The following CCDC178 variants were observed in gnomAD, a reference collection of about 807,000 sequenced individuals.
CCDC178 encodes the protein coiled-coil domain containing 178.
CCDC178 carries 126 observed loss-of-function variants against 117.4 expected under a neutral mutation model. The ratio of observed to expected loss-of-function variants is 1.07; its 90% CI spans 0.93 to 1.24. The LOEUF (loss-of-function observed/expected upper bound fraction) is 1.24, where lower values mean the gene tolerates loss of function less well. CCDC178 is among the 50% of genes most tolerant of loss of function. CCDC178 has a pLI of 0.00. For synonymous variants in CCDC178, 283 were observed against 313.4 expected (o/e 0.90, Z 1.02); for missense variants, 1,030 against 986.9 (o/e 1.04, Z -0.59).
At chr18:33,004,043 A>T (rs2055699343) in intron 21 of CCDC178, among the ~76,000 whole-genome samples, 1 of 152,148 alleles carries the variant, frequency 6.6e-6, no homozygotes, top group African/African-American at 2.4e-5. Flanking sequence ...AAAAATAGAA[A>T]AATATTTCAT....
chr18:32,958,371 T>A, intron 22 of CCDC178: 1 of 347,578 alleles, frequency 2.9e-6, no homozygotes, highest in East Asian at 4.2e-5. Context: ...GATAATTAAA[T>A]TAAATGTCTA....
At chr18:33,283,431 A>C (rs2060049418) in intron 12 of CCDC178, among the ~76,000 whole-genome samples, 1 of 152,236 alleles carries the variant, frequency 6.6e-6, no homozygotes, top group South Asian at 2.1e-4. Context: ...GAACCTAATT[A>C]AACAGTTTCT....
chr18:33,158,835 G>C (rs2058431095), intron 20 of CCDC178, among the ~76,000 whole-genome samples: 1 of 151,972 alleles, frequency 6.6e-6, no homozygotes, highest in Non-Finnish European at 1.5e-5. Context: ...TAATAAATTG[G>C]AAGAAAAATT....
chr18:32,997,742 G>A (rs1044050946), intron 21 of CCDC178, among the ~76,000 whole-genome samples: 3 of 151,710 alleles, frequency 2.0e-5, no homozygotes, highest in African/African-American at 7.3e-5. Flanking sequence ...ATATATCTAT[G>A]TTTTTTTATT....
At chr18:33,413,281 G>C (rs1396304477) in intron 2 of CCDC178, among the ~76,000 whole-genome samples, 1 of 152,016 alleles carries the variant, frequency 6.6e-6, no homozygotes, top group African/African-American at 2.4e-5. Flanking sequence ...TCCAAGCCTA[G>C]TGCTCTTCCA....
At chr18:33,139,047 G>C (rs1173348662) in intron 20 of CCDC178, among the ~76,000 whole-genome samples, 1 of 152,184 alleles carries the variant, frequency 6.6e-6, no homozygotes, top group Non-Finnish European at 1.5e-5. Context: ...TATGGAGACA[G>C]GTCTTTCCTG....
At chr18:32,959,856 C>T (rs1033280446) in intron 22 of CCDC178, among the ~76,000 whole-genome samples, 3 of 151,706 alleles carry the variant, frequency 2.0e-5, no homozygotes, top group African/African-American at 4.8e-5. Context: ...GTCCTGCTGG[C>T]ATAGAGTGAA....
chr18:32,969,530 T>C (rs751322885), intron 22 of CCDC178, among the ~76,000 whole-genome samples: 14 of 152,064 alleles, frequency 9.2e-5, no homozygotes, highest in Non-Finnish European at 1.9e-4. Flanking sequence ...AAACTATATA[T>C]ACCAACCCTT....
At chr18:33,362,710 C>T (rs1272731660) in intron 6 of CCDC178, among the ~76,000 whole-genome samples, 3 of 151,750 alleles carry the variant, frequency 2.0e-5, no homozygotes, top group African/African-American at 4.8e-5. Context: ...CAAATAAACG[C>T]AATAAAATTT....
intron 2 of CCDC178, among the ~76,000 whole-genome samples, chr18:33,420,290 G>A (rs1158734056): frequency 6.6e-6 from 1 of 152,150 alleles, no homozygotes; most frequent in African/African-American, 2.4e-5. Context: ...TGAGGGTGGG[G>A]TGAGGGAGGA....
chr18:32,981,853 C>A (rs2055160236), intron 21 of CCDC178, among the ~76,000 whole-genome samples: 1 of 152,108 alleles, frequency 6.6e-6, no homozygotes, highest in Non-Finnish European at 1.5e-5. Context: ...ATACAATTAA[C>A]ACAGTTGTTG....
chr18:33,167,103 G>A (rs1205257329), intron 20 of CCDC178, among the ~76,000 whole-genome samples: 7 of 152,214 alleles, frequency 4.6e-5, no homozygotes, highest in Middle Eastern at 3.4e-3. Context: ...TGCAAAGGAC[G>A]TGATCTCATT....
chr18:32,983,336 G>A (rs2055191235), intron 21 of CCDC178: 1 of 1,528,506 alleles, frequency 6.5e-7, no homozygotes, highest in African/African-American at 1.4e-5. Flanking sequence ...AAGTTTCTTA[G>A]GTAAGAAGCC....
At chr18:33,100,853 A>T (rs1391664067) in intron 20 of CCDC178, among the ~76,000 whole-genome samples, 1 of 152,010 alleles carries the variant, frequency 6.6e-6, no homozygotes, top group Non-Finnish European at 1.5e-5. Context: ...TTTTCTTCAA[A>T]ATCATTTATG....
At chr18:33,368,587 C>T (rs2063251054) in intron 6 of CCDC178, among the ~76,000 whole-genome samples, 1 of 151,808 alleles carries the variant, frequency 6.6e-6, no homozygotes, top group Non-Finnish European at 1.5e-5. Flanking sequence ...TAGTATCTAA[C>T]AGTTTATCAA....
chr18:33,360,392 T>C (rs2063109529), intron 6 of CCDC178, among the ~76,000 whole-genome samples: 1 of 151,380 alleles, frequency 6.6e-6, no homozygotes, highest in Non-Finnish European at 1.5e-5. Context: ...GTTGTATATA[T>C]ACACAATAGA....
In CCDC178 at chr18:33,096,326, A is replaced by AAAAATATAAAATTTTTATATTTTATAT. The variant is rs1567985926; in HGVS notation, c.2239-3443_2239-3417dup. ...AATATAAAATTTTTATATTTTATAT[A>AAAAATATAAAATTTTTATATTTTATAT]AAAATATAAAATTTTTATATTTTAT... On this transcript the variant is annotated intron_variant, in intron 20 of 22. Transcript: ENST00000383096. Among the ~76,000 whole-genome samples, 87 of 105,282 alleles carry AAAAATATAAAATTTTTATATTTTATAT rather than the reference A, an allele frequency of 8.3e-4. 1 individual carries two copies. Among genetic ancestry groups the AAAAATATAAAATTTTTATATTTTATAT allele is most frequent in the South Asian group, 3.8e-3 (16 of 4,216 alleles). The allele number at this position is 105,282 out of a possible 152,430, so 69.1% of individuals were successfully genotyped here. A position where few individuals can be genotyped will look rare whatever the true frequency, so the allele number is the denominator to read the frequency against.
chr18:33,102,311 T>C (rs1026015752), intron 20 of CCDC178, among the ~76,000 whole-genome samples: 6 of 151,536 alleles, frequency 4.0e-5, no homozygotes, highest in Non-Finnish European at 7.4e-5. Flanking sequence ...TGGGTATGAA[T>C]TGCAGAACCC....
chr18:32,980,084 T>A (rs975506798), intron 21 of CCDC178, among the ~76,000 whole-genome samples: 3 of 152,088 alleles, frequency 2.0e-5, no homozygotes, highest in Non-Finnish European at 2.9e-5. Context: ...AACAATTTTT[T>A]AAAAAAACAT....
Sources: allele counts gnomAD v4.1 joint callset (sites outside exome capture counted in the v4.1 genomes callset), GRCh38; gene constraint gnomAD v4.1.1; transcripts MANE v1.5; gene names NCBI Gene and HGNC (gene_info 2026-07-23, HGNC 2026-07-21).